Variants in FAM163A observed in about 807,000 individuals in gnomAD.
FAM163A encodes family with sequence similarity 163 member A.
A neutral mutation model predicts 12.0 loss-of-function variants in FAM163A; 7 were observed. The ratio of observed to expected loss-of-function variants is 0.58; its 90% CI spans 0.33 to 1.10. FAM163A has a LOEUF of 1.10. Among genes scored for constraint, FAM163A ranks in the 50% least tolerant of loss-of-function variants. The probability of loss-of-function intolerance (pLI) is 0.03; values close to 1 mark genes in which losing one functional copy is unlikely to be tolerated. For synonymous variants in FAM163A, 101 were observed against 91.0 expected, an observed-to-expected ratio of 1.11 and a Z score of -0.62; for missense variants, 202 against 218.6, an observed-to-expected ratio of 0.92 and a Z score of 0.48.
In FAM163A at chr1:179,801,540, T is replaced by TC. The variant is rs1489921285; in HGVS notation, c.-135-6252dup. On this transcript the variant is annotated intron_variant, in intron 1 of 4. Transcript: ENST00000341785. ...GGCAGTGTGATTTTAAAGATCACCC[T>TC]CCCCCCATTTTCCCAGGTAATCCTC... is the stretch of plus-strand genomic sequence containing the variant. Among the ~76,000 whole-genome samples the TC allele has an allele frequency of 7.9e-5, 12 of 152,100 alleles. 1 individual carries two copies. Among genetic ancestry groups the TC allele is most frequent in the African/African-American group, 2.7e-4 (11 of 41,412 alleles).
intron 1 of FAM163A, among the ~76,000 whole-genome samples, chr1:179,772,658 G>C (rs1272718203): frequency 6.6e-6 from 1 of 152,148 alleles, no homozygotes; most frequent in Non-Finnish European, 1.5e-5. Flanking sequence ...GTTGTAGTTA[G>C]GATAGGGTTT....
At chr1:179,809,981 T>C (rs1460955977) in intron 2 of FAM163A, among the ~76,000 whole-genome samples, 1 of 152,112 alleles carries the variant, frequency 6.6e-6, no homozygotes, top group African/African-American at 2.4e-5. Flanking sequence ...GCAGATGGGA[T>C]TGAGCTGAGA....
chr1:179,773,344 T>C (rs919711595), intron 1 of FAM163A, among the ~76,000 whole-genome samples: 1 of 152,090 alleles, frequency 6.6e-6, no homozygotes, highest in Non-Finnish European at 1.5e-5. Context: ...AATATACACA[T>C]GCACAGATAA....
At chr1:179,745,112 A>C (rs2487740) in intron 1 of FAM163A, among the ~76,000 whole-genome samples, 94,156 of 151,916 alleles carry the variant, frequency 0.62, 30,041 homozygotes, top group African/African-American at 0.77. Flanking sequence ...TGCCTAAGAG[A>C]ATCTAAACCA....
At position 179,789,013 on chromosome 1, in the gene FAM163A, C is replaced by T. The variant is rs778460576; in HGVS notation, c.-135-18785C>T. ...GTCAGCCTCCACTCTCCAGCCCATG[C>T]TGACATGGAGCAGGCCTCCCAGTGG... On this transcript the variant is annotated intron_variant, in intron 1 of 4. Coordinates refer to ENST00000341785, the MANE Select transcript of FAM163A (RefSeq NM_173509.3). 2.0e-4 allele frequency among the ~76,000 whole-genome samples: 30 copies of T among 152,366 alleles called. 1 individual carries two copies. Among genetic ancestry groups the T allele is most frequent in the Admixed American group, 1.8e-3 (28 of 15,308 alleles).
chr1:179,765,803 G>T (rs1687419768), intron 1 of FAM163A, among the ~76,000 whole-genome samples: 1 of 151,120 alleles, frequency 6.6e-6, no homozygotes, highest in African/African-American at 2.4e-5. Context: ...AGGGTGTAGT[G>T]CCCCCCAGTG....
At chr1:179,760,659 A>G (rs555748871) in intron 1 of FAM163A, among the ~76,000 whole-genome samples, 2 of 152,228 alleles carry the variant, frequency 1.3e-5, no homozygotes, top group Non-Finnish European at 2.9e-5. Flanking sequence ...AGATCATGTC[A>G]GCAAATGCAG....
intron 1 of FAM163A, among the ~76,000 whole-genome samples, chr1:179,785,305 A>G (rs926533821): frequency 1.3e-5 from 2 of 152,252 alleles, no homozygotes; most frequent in African/African-American, 4.8e-5. Context: ...TGCACAAGCT[A>G]TAAATACAGG....
chr1:179,778,857 A>G lies in FAM163A; in HGVS notation c.-135-28941A>G, dbSNP rs114004581. ...ACCCACCTAGTAACAATGTTTCTTCAAACACTGTGGAGCATAGCCAGACAG... is the reference window on the plus strand; with the variant it reads ...ACCCACCTAGTAACAATGTTTCTTCGAACACTGTGGAGCATAGCCAGACAG... On this transcript the variant is annotated intron_variant, in intron 1 of 4. Coordinates refer to ENST00000341785, the MANE Select transcript of FAM163A (RefSeq NM_173509.3). Among the ~76,000 whole-genome samples, 444 of 152,326 alleles carry G rather than the reference A, an allele frequency of 2.9e-3. 6 individuals are homozygous for G. The highest frequency in any genetic ancestry group is 0.01 in the African/African-American group (416 of 41,556).
intron 1 of FAM163A, among the ~76,000 whole-genome samples, chr1:179,805,735 T>TTTACCACTGGCCGGGATCGAAA (rs1693843775): frequency 6.6e-6 from 1 of 152,186 alleles, no homozygotes; most frequent in Admixed American, 6.5e-5. Context: ...GAGCTGCTGT[T>TTTACCACTGGCCGGGATCGAAA]TTACCACTGG....
intron 2 of FAM163A, among the ~76,000 whole-genome samples, chr1:179,810,244 G>T (rs977782569): frequency 2.0e-5 from 3 of 152,152 alleles, no homozygotes; most frequent in Non-Finnish European, 4.4e-5. Flanking sequence ...AAACCATGAA[G>T]GGCATTGCAA....
At chr1:179,749,287 T>C (rs1311449777) in intron 1 of FAM163A, among the ~76,000 whole-genome samples, 1 of 152,138 alleles carries the variant, frequency 6.6e-6, no homozygotes, top group Non-Finnish European at 1.5e-5. Context: ...TCACAGTACA[T>C]GGAAGAGATC....
intron 1 of FAM163A, among the ~76,000 whole-genome samples, chr1:179,801,719 A>G (rs866394514): frequency 3.3e-5 from 5 of 152,220 alleles, no homozygotes; most frequent in African/African-American, 1.2e-4. Context: ...TCCACTGTGC[A>G]CAACAGAGCA....
upstream of FAM163A, among the ~76,000 whole-genome samples, chr1:179,738,581 C>A (rs1683265931): frequency 6.6e-6 from 1 of 152,048 alleles, no homozygotes; most frequent in Non-Finnish European, 1.5e-5. Flanking sequence ...TCAATGCAAT[C>A]CACCATATTA....
At chr1:179,775,155 T>C (rs1408916865) in intron 1 of FAM163A, among the ~76,000 whole-genome samples, 1 of 152,180 alleles carries the variant, frequency 6.6e-6, no homozygotes, top group South Asian at 2.1e-4. Context: ...GCCACTTGGC[T>C]CTCACCTCAT....
At chr1:179,757,383 C>T (rs893986593) in intron 1 of FAM163A, among the ~76,000 whole-genome samples, 18 of 152,142 alleles carry the variant, frequency 1.2e-4, no homozygotes, top group African/African-American at 4.1e-4. Flanking sequence ...GGCCTTTAGA[C>T]ATGGAGTGGA....
intron 1 of FAM163A, among the ~76,000 whole-genome samples, chr1:179,768,956 G>A (rs1334230416): frequency 1.3e-5 from 2 of 151,554 alleles, no homozygotes; most frequent in East Asian, 1.9e-4. Context: ...TTGTTTCAGC[G>A]CATTAATGGT....
intron 1 of FAM163A, among the ~76,000 whole-genome samples, chr1:179,789,771 T>G (rs1220761987): frequency 1.3e-5 from 2 of 152,166 alleles, no homozygotes; most frequent in Non-Finnish European, 1.5e-5. Flanking sequence ...TCAAAGGCAA[T>G]TAAAGCCTTG....
chr1:179,728,449 G>C, the FAM163A span, among the ~76,000 whole-genome samples: 1 of 152,114 alleles, frequency 6.6e-6, no homozygotes, highest in Non-Finnish European at 1.5e-5. Context: ...GTGCTTTGGG[G>C]GTGCTGCCAG....
Sources: allele counts gnomAD v4.1 joint callset (sites outside exome capture counted in the v4.1 genomes callset), GRCh38; gene constraint gnomAD v4.1.1; transcripts MANE v1.5; gene names NCBI Gene and HGNC (gene_info 2026-07-23, HGNC 2026-07-21).